The following CASS4 variants were observed in gnomAD, a reference collection of about 807,000 sequenced individuals.
CASS4 encodes cas scaffolding protein family member 4.
Under a neutral mutation model 54.2 loss-of-function variants are expected in CASS4, and 22 were observed. That is an observed-to-expected ratio of 0.41 (90% CI 0.29 to 0.58). CASS4 has a LOEUF of 0.58. Among genes scored for constraint, CASS4 ranks in the 20% least tolerant of loss-of-function variants. The probability of loss-of-function intolerance (pLI) is 0.36; values close to 1 mark genes in which losing one functional copy is unlikely to be tolerated. For synonymous variants in CASS4, 409 were observed against 391.5 expected, an observed-to-expected ratio of 1.04 and a Z score of -0.53; for missense variants, 854 against 986.7, an observed-to-expected ratio of 0.87 and a Z score of 1.80.
chr20:56,413,066 G>A (rs144642600), intron 1 of CASS4, among the ~76,000 whole-genome samples: 4 of 152,072 alleles, frequency 2.6e-5, no homozygotes, highest in South Asian at 2.1e-4. Context: ...AGCCAGGCAC[G>A]GTGGTACATA....
chr20:56,425,850 A>C (rs1979612941), intron 1 of CASS4, among the ~76,000 whole-genome samples: 1 of 152,190 alleles, frequency 6.6e-6, no homozygotes, highest in Non-Finnish European at 1.5e-5. Context: ...CCCAGAAGGG[A>C]CCCTCAGTGA....
chr20:56,432,828 G>A (rs909639705), intron 1 of CASS4, among the ~76,000 whole-genome samples: 1 of 152,108 alleles, frequency 6.6e-6, no homozygotes, highest in East Asian at 1.9e-4. Context: ...GACTAGTTAC[G>A]CCTTGAGGTT....
intron 3 of CASS4, among the ~76,000 whole-genome samples, chr20:56,449,272 T>C (rs1600771179): frequency 6.6e-6 from 1 of 152,318 alleles, no homozygotes; most frequent in Middle Eastern, 3.4e-3. Context: ...TGGAATACTA[T>C]GCAGCCATAA....
intron 1 of CASS4, among the ~76,000 whole-genome samples, chr20:56,435,979 C>T (rs549512827): frequency 2.0e-5 from 3 of 152,072 alleles, no homozygotes; most frequent in Middle Eastern, 3.4e-3. Flanking sequence ...CTTGAACTCC[C>T]GGCCTCAAGT....
intron 2 of CASS4, among the ~76,000 whole-genome samples, chr20:56,439,200 G>T (rs898332548): frequency 6.6e-6 from 1 of 151,852 alleles, no homozygotes; most frequent in Non-Finnish European, 1.5e-5. Flanking sequence ...ACTGGGTCTC[G>T]CTCTGTCTCC....
intron 5 of CASS4, among the ~76,000 whole-genome samples, chr20:56,457,122 G>A (rs1016382982): frequency 7.2e-5 from 11 of 152,090 alleles, no homozygotes; most frequent in Admixed American, 4.6e-4. Context: ...GTGCTTCTTC[G>A]AAGTATGCCT....
chr20:56,452,795 G>A lies in CASS4; in HGVS notation c.1619G>A (p.Arg540His), dbSNP rs761675318. ...LLETKESLDN[R>H]NWPLEVLVTD... ...GAAACAAAGGAAAGCTTGGATAATC[G>A]CAATTGGCCTCTGGAAGTTCTTGTG... The change falls in exon 5 of 6, where the codon CGC becomes CAC. Residue 540 changes from arginine (R) to histidine (H), a missense_variant. By Grantham distance (29) the Arg-to-His change is conservative. Transcript: ENST00000679887. 5.0e-6 allele frequency: 8 copies of A among 1,613,902 alleles called. No individual in the cohort carries two copies. In the East Asian group the frequency reaches 6.7e-5, roughly 13 times the overall value.
chr20:56,414,801 G>T lies in CASS4; in HGVS notation c.36+2307G>T, dbSNP rs1979051009. Among the ~76,000 whole-genome samples the T allele has an allele frequency of 6.6e-6, 1 of 152,090 alleles. No individual in the cohort carries two copies. The highest frequency in any genetic ancestry group is 1.5e-5 in the Non-Finnish European group (1 of 68,014). ...CTCTAGTAAAAATACAAAAAAATTAGCTGGGCATAGTGGTGCACGTCTGTA... is the reference window on the plus strand; with the variant it reads ...CTCTAGTAAAAATACAAAAAAATTATCTGGGCATAGTGGTGCACGTCTGTA... On this transcript the variant is annotated intron_variant, in intron 1 of 5. Coordinates refer to ENST00000679887, the MANE Select transcript of CASS4 (RefSeq NM_020356.4). The surrounding 1 kb of genome is among the most constrained non-coding windows in gnomAD (Gnocchi z 4.1).
chr20:56,450,709 G>A (rs1980956073), intron 4 of CASS4, 30 bp downstream of exon 4: 2 of 1,597,328 alleles, frequency 1.3e-6, no homozygotes. Flanking sequence ...AAGGTGCGGT[G>A]TTATGAACAC....
At chr20:56,435,392 T>TA (rs1356951803) in intron 1 of CASS4, among the ~76,000 whole-genome samples, 2 of 152,234 alleles carry the variant, frequency 1.3e-5, no homozygotes, top group African/African-American at 4.8e-5. Context: ...GAAGGATAAA[T>TA]ACCAAAAATG....
intron 3 of CASS4, among the ~76,000 whole-genome samples, chr20:56,449,100 C>T (rs1397979190): frequency 1.3e-5 from 2 of 152,150 alleles, no homozygotes; most frequent in Non-Finnish European, 2.9e-5. Context: ...CCAGCCATCC[C>T]ATTACTGAGT....
chr20:56,434,908 T>A (rs1477764747), intron 1 of CASS4, among the ~76,000 whole-genome samples: 2 of 152,254 alleles, frequency 1.3e-5, no homozygotes, highest in African/African-American at 4.8e-5. Flanking sequence ...TAACAGCAGT[T>A]ACCTGTGGTG....
At chr20:56,419,802 G>A (rs1979329471) in intron 1 of CASS4, among the ~76,000 whole-genome samples, 1 of 152,040 alleles carries the variant, frequency 6.6e-6, no homozygotes, top group African/African-American at 2.4e-5. Flanking sequence ...CAGCACTTTG[G>A]GAGGCCAAGG....
At chr20:56,418,197 G>A (rs533508488) in intron 1 of CASS4, among the ~76,000 whole-genome samples, 5 of 152,264 alleles carry the variant, frequency 3.3e-5, no homozygotes, top group South Asian at 2.1e-4. Context: ...TGATGGAGGC[G>A]ATGGATGGAA....
At chr20:56,428,916 C>A (rs1334558535) in intron 1 of CASS4, among the ~76,000 whole-genome samples, 1 of 144,404 alleles carries the variant, frequency 6.9e-6, no homozygotes, top group Non-Finnish European at 1.5e-5. Flanking sequence ...ATCAGTGTAC[C>A]CCCCGACCTG....
At chr20:56,457,334 T>G (rs548047308) in intron 5 of CASS4, among the ~76,000 whole-genome samples, 5 of 152,336 alleles carry the variant, frequency 3.3e-5, no homozygotes, top group Non-Finnish European at 7.4e-5. Context: ...GCTAATGGAA[T>G]AGCCGGAGGC....
intron 1 of CASS4, among the ~76,000 whole-genome samples, chr20:56,417,559 C>T (rs933894007): frequency 1.3e-5 from 2 of 152,218 alleles, no homozygotes; most frequent in Non-Finnish European, 2.9e-5. Context: ...AACGAAACTC[C>T]ATGAGGGACA....
chr20:56,459,147 T>C lies in CASS4; in HGVS notation c.*400T>C, dbSNP rs1316475415. The C allele has an allele frequency of 5.9e-6, 1 of 170,108 alleles. No individual in the cohort carries two copies. The highest frequency in any genetic ancestry group is 5.7e-5 in the Admixed American group (1 of 17,616). The allele number at this position is 170,108 out of a possible 1,614,324, so 10.5% of individuals were successfully genotyped here. On this transcript the variant is annotated 3_prime_UTR_variant, in exon 6 of 6. Coordinates refer to ENST00000679887, the MANE Select transcript of CASS4 (RefSeq NM_020356.4). ...CTCACTGCAACCTCCGCCTTCTGGG[T>C]TGAAGCAATTCTCCCGCCTCAGCCT...
intron 1 of CASS4, among the ~76,000 whole-genome samples, chr20:56,432,869 T>TA (rs1259653269): frequency 6.7e-6 from 1 of 148,902 alleles, no homozygotes; most frequent in East Asian, 2.0e-4. Flanking sequence ...TGGTCATTCT[T>TA]ACCGAAGGTC....
Sources: allele counts gnomAD v4.1 joint callset (sites outside exome capture counted in the v4.1 genomes callset), GRCh38; gene constraint gnomAD v4.1.1; non-coding constraint Gnocchi (gnomAD v3.1); transcripts MANE v1.5; gene names NCBI Gene and HGNC (gene_info 2026-07-23, HGNC 2026-07-21).